EPHA6: variants seen among roughly 807,000 people sequenced by gnomAD.
The protein encoded by EPHA6 is EPH receptor A6.
Under a neutral mutation model 112.0 loss-of-function variants are expected in EPHA6, and 50 were observed. The observed-to-expected ratio is 0.45, with a 90% CI of 0.36 to 0.56. EPHA6 has a LOEUF of 0.56. Ranked by LOEUF, EPHA6 falls within the 20% of genes least tolerant of loss-of-function variation. The pLI, the probability that EPHA6 is intolerant of heterozygous loss-of-function variation, is 0.00. For synonymous variants in EPHA6, 529 were observed against 490.7 expected, an observed-to-expected ratio of 1.08 and a Z score of -1.03; for missense variants, 1,280 against 1,417.4, an observed-to-expected ratio of 0.90 and a Z score of 1.56.
In EPHA6 at chr3:97,068,182, G is replaced by C. The variant is rs1003927840; in HGVS notation, c.1114+80189G>C. 3.5e-5 allele frequency among the ~76,000 whole-genome samples: 5 copies of C among 142,358 alleles called. 1 individual carries two copies. Among genetic ancestry groups the C allele is most frequent in the African/African-American group, 1.3e-4 (5 of 38,260 alleles). The allele number at this position is 142,358 out of a possible 152,430, so 93.4% of individuals were successfully genotyped here. On this transcript the variant is annotated intron_variant, in intron 3 of 17. Transcript: ENST00000389672. ...AAAAAAAAGAAAAAAAAAAAAAAAAGAGTCAGGGATAAAGAATCATTTTGG... is the reference window on the plus strand; with the variant it reads ...AAAAAAAAGAAAAAAAAAAAAAAAACAGTCAGGGATAAAGAATCATTTTGG...
intron 1 of EPHA6, among the ~76,000 whole-genome samples, chr3:96,861,739 C>G (rs369121632): frequency 6.6e-6 from 1 of 151,834 alleles, no homozygotes; most frequent in Non-Finnish European, 1.5e-5. Flanking sequence ...ATAAGAATAA[C>G]CACCACAACA....
At chr3:97,571,491 G>A (rs1055122400) in intron 11 of EPHA6, among the ~76,000 whole-genome samples, 7 of 152,170 alleles carry the variant, frequency 4.6e-5, no homozygotes, top group East Asian at 1.9e-4. Context: ...TTGCAAGGAA[G>A]TTCTTGTACC....
At chr3:97,119,718 A>G (rs1455893706) in intron 3 of EPHA6, among the ~76,000 whole-genome samples, 1 of 152,052 alleles carries the variant, frequency 6.6e-6, no homozygotes, top group Non-Finnish European at 1.5e-5. Context: ...ACTTACGGAA[A>G]AGGCAGGCAA....
intron 1 of EPHA6, among the ~76,000 whole-genome samples, chr3:96,817,618 A>C (rs1197094495): frequency 6.6e-6 from 1 of 151,950 alleles, no homozygotes; most frequent in Admixed American, 6.6e-5. Context: ...TATTTTATAG[A>C]GGGTAAAATT....
chr3:96,893,449 A>G (rs1401781278), intron 2 of EPHA6, among the ~76,000 whole-genome samples: 1 of 152,204 alleles, frequency 6.6e-6, no homozygotes, highest in East Asian at 1.9e-4. Context: ...TAAAATCCAT[A>G]CCTAATATTC....
rs142604199 is a variant in EPHA6, at chr3:97,547,081, C to T, written c.2386+14538C>T. Among the ~76,000 whole-genome samples the T allele has an allele frequency of 2.0e-4, 31 of 152,316 alleles. 1 individual carries two copies. The East Asian group carries it at 5.4e-3, about 27-fold the overall frequency. On this transcript the variant is annotated intron_variant, in intron 11 of 17. Transcript: ENST00000389672. Reference sequence around the variant, plus strand: ...CTGTCAGCTCATCAAAGTCATTCTCCGTCCATCTTTGTTCCATTGGTGGTG... The same window carrying T: ...CTGTCAGCTCATCAAAGTCATTCTCTGTCCATCTTTGTTCCATTGGTGGTG...
At chr3:97,207,235 A>G (rs76541028) in intron 3 of EPHA6, among the ~76,000 whole-genome samples, 2,217 of 152,282 alleles carry the variant, frequency 0.015, 115 homozygotes, top group Admixed American at 0.098. Context: ...AATTGGTTGT[A>G]TAAGTCAAAG....
At chr3:96,847,841 G>A (rs912067206) in intron 1 of EPHA6, among the ~76,000 whole-genome samples, 26 of 152,126 alleles carry the variant, frequency 1.7e-4, no homozygotes, top group African/African-American at 6.3e-4. Context: ...GGTAGGTAGA[G>A]TAGAAAGGAT....
At chr3:96,858,602 A>C (rs2035832837) in intron 1 of EPHA6, among the ~76,000 whole-genome samples, 2 of 152,172 alleles carry the variant, frequency 1.3e-5, no homozygotes, top group South Asian at 4.1e-4. Context: ...TGGATAAATA[A>C]ATAATGCAAA....
intron 5 of EPHA6, among the ~76,000 whole-genome samples, chr3:97,265,357 C>T (rs901608541): frequency 6.6e-6 from 1 of 152,186 alleles, no homozygotes; most frequent in Non-Finnish European, 1.5e-5. Flanking sequence ...CAGCATGTAG[C>T]TGCTGTCACC....
chr3:96,892,422 C>T (rs939033060), intron 2 of EPHA6, among the ~76,000 whole-genome samples: 3 of 151,902 alleles, frequency 2.0e-5, no homozygotes, highest in African/African-American at 4.8e-5. Flanking sequence ...AGAGTTTCGC[C>T]GTATTGGCCA....
Position 96,829,984 on chromosome 3 carries a change from C to CACAA in EPHA6, c.385+14979_385+14980insAACA, listed in dbSNP as rs1197256970. Among the ~76,000 whole-genome samples the CACAA allele has an allele frequency of 6.8e-5, 10 of 148,026 alleles. No individual in the cohort carries two copies. In the East Asian group the frequency reaches 2.0e-3, roughly 30 times the overall value. ...ACACACACACACACACACACACACA[C>CACAA]ACACAGAAATGGTATGCTATTTGCT... On this transcript the variant is annotated intron_variant, in intron 1 of 17. Coordinates refer to ENST00000389672, the MANE Select transcript of EPHA6 (RefSeq NM_001080448.3).
intron 3 of EPHA6, among the ~76,000 whole-genome samples, chr3:97,015,311 G>A (rs1006569981): frequency 2.0e-5 from 3 of 152,158 alleles, no homozygotes; most frequent in Admixed American, 2.0e-4. Flanking sequence ...AAATGATTTT[G>A]TCCAGCTCTG....
At chr3:97,487,772 T>G (rs749241268) in intron 10 of EPHA6, among the ~76,000 whole-genome samples, 28 of 152,184 alleles carry the variant, frequency 1.8e-4, no homozygotes, top group Non-Finnish European at 2.9e-4. Context: ...CACATTTCCA[T>G]TTAAATGAAG....
chr3:97,063,281 G>T (rs889632207), intron 3 of EPHA6, among the ~76,000 whole-genome samples: 3 of 152,088 alleles, frequency 2.0e-5, no homozygotes, highest in African/African-American at 7.2e-5. Flanking sequence ...ATTCACAATA[G>T]CAAAGACATG....
At chr3:96,855,321 G>C (rs2035630597) in intron 1 of EPHA6, among the ~76,000 whole-genome samples, 1 of 152,106 alleles carries the variant, frequency 6.6e-6, no homozygotes, top group Non-Finnish European at 1.5e-5. Context: ...CATATACATA[G>C]GTTCCTAGGA....
At chr3:97,263,072 TGTA>T (rs1427334955) in intron 5 of EPHA6, among the ~76,000 whole-genome samples, 1 of 152,220 alleles carries the variant, frequency 6.6e-6, no homozygotes, top group Non-Finnish European at 1.5e-5. Context: ...GACATTTTGC[TGTA>T]GTCAATTATT....
At chr3:97,599,724 G>A (rs1326656709) in intron 12 of EPHA6, among the ~76,000 whole-genome samples, 7 of 152,038 alleles carry the variant, frequency 4.6e-5, no homozygotes, top group Non-Finnish European at 5.9e-5. Context: ...TTGTTCTTTT[G>A]GCTTAGGATT....
At chr3:97,296,859 A>T (rs1250953162) in intron 5 of EPHA6, among the ~76,000 whole-genome samples, 1 of 152,076 alleles carries the variant, frequency 6.6e-6, no homozygotes, top group Non-Finnish European at 1.5e-5. Flanking sequence ...TAAATACCCA[A>T]CTGGGTCCAA....
Sources: gnomAD v4.1 joint callset for allele counts (sites outside exome capture counted in the v4.1 genomes callset) on GRCh38, gnomAD v4.1.1 for gene constraint, MANE v1.5 for transcripts, NCBI Gene and HGNC (gene_info 2026-07-23, HGNC 2026-07-21) for gene names.